ZFHX3: variants seen among roughly 807,000 people sequenced by gnomAD.
ZFHX3 encodes zinc finger homeobox 3, also known as zinc finger homeobox protein 3.
A neutral mutation model predicts 279.1 loss-of-function variants in ZFHX3; 42 were observed. That is an observed-to-expected ratio of 0.15 (90% CI 0.12 to 0.19). The LOEUF (loss-of-function observed/expected upper bound fraction) is 0.19. Ranked by LOEUF, ZFHX3 falls within the 10% of genes least tolerant of loss-of-function variation. ZFHX3 has a pLI of 1.00. For synonymous variants in ZFHX3, 2,293 were observed against 1,957.8 expected (o/e 1.17, Z -4.52); for missense variants, 4,981 against 4,754.0 (o/e 1.05, Z -1.40).
chr16:73,570,201 C>T (rs1466251450), intron 2 of ZFHX3, among the ~76,000 whole-genome samples: 2 of 151,984 alleles, frequency 1.3e-5, no homozygotes, highest in Non-Finnish European at 2.9e-5. Flanking sequence ...ACTGAGTTAC[C>T]CAAAAAAAGT....
chr16:73,337,316 T>C (rs1349850564), intron 3 of ZFHX3, among the ~76,000 whole-genome samples: 3 of 152,154 alleles, frequency 2.0e-5, no homozygotes, highest in East Asian at 3.9e-4. Context: ...CCTCTACACG[T>C]TCTGGCGACT....
chr16:73,440,014 C>T (rs2018062296), intron 3 of ZFHX3, among the ~76,000 whole-genome samples: 1 of 150,524 alleles, frequency 6.6e-6, no homozygotes, highest in Admixed American at 6.6e-5. Flanking sequence ...GAGGAACACG[C>T]ATGGCTGTTA....
chr16:73,301,947 C>A (rs1439861622), intron 4 of ZFHX3, among the ~76,000 whole-genome samples: 1 of 152,050 alleles, frequency 6.6e-6, no homozygotes, highest in Non-Finnish European at 1.5e-5. Context: ...AACCACAAGG[C>A]CCGACAGAGT....
At chr16:73,560,465 G>C (rs2020353031) in intron 2 of ZFHX3, among the ~76,000 whole-genome samples, 1 of 152,094 alleles carries the variant, frequency 6.6e-6, no homozygotes, top group South Asian at 2.1e-4. Flanking sequence ...TTTGATGATC[G>C]TTTTCTACAC....
At chr16:73,171,366 A>C (rs984973688) in intron 5 of ZFHX3, among the ~76,000 whole-genome samples, 1 of 152,108 alleles carries the variant, frequency 6.6e-6, no homozygotes. Flanking sequence ...AAATGCATCC[A>C]CTGGGCTGAA....
At chr16:72,899,456 T>C (rs1868843948) in intron 3 of ZFHX3, among the ~76,000 whole-genome samples, 1 of 152,226 alleles carries the variant, frequency 6.6e-6, no homozygotes, top group Admixed American at 6.5e-5. Flanking sequence ...TCCCCAGCCA[T>C]GCTGAATGGT....
chr16:72,848,870 C>T (rs551569417), intron 4 of ZFHX3, among the ~76,000 whole-genome samples: 2 of 152,118 alleles, frequency 1.3e-5, no homozygotes, highest in African/African-American at 4.8e-5. Flanking sequence ...CATGCTGCCA[C>T]GGCTGGAGCT....
intron 3 of ZFHX3, among the ~76,000 whole-genome samples, chr16:73,369,770 T>C (rs138310115): frequency 6.6e-6 from 1 of 152,308 alleles, no homozygotes; most frequent in Non-Finnish European, 1.5e-5. Context: ...ATTCTGATTG[T>C]GCTAACAAGC....
At chr16:72,886,231 G>A (rs1404134457) in intron 4 of ZFHX3, among the ~76,000 whole-genome samples, 2 of 152,126 alleles carry the variant, frequency 1.3e-5, no homozygotes, top group African/African-American at 4.8e-5. Context: ...CAGTTATATG[G>A]ACCGAACTGG....
At chr16:73,129,458 C>CCATGAGACCATT (rs1269583941) in intron 7 of ZFHX3, among the ~76,000 whole-genome samples, 1 of 151,068 alleles carries the variant, frequency 6.6e-6, no homozygotes, top group Non-Finnish European at 1.5e-5. Flanking sequence ...TTCTCTGAGC[C>CCATGAGACCATT]CATGAGACCA....
intron 1 of ZFHX3, among the ~76,000 whole-genome samples, chr16:73,859,885 G>C (rs1334756314): frequency 6.6e-6 from 1 of 152,138 alleles, no homozygotes. Flanking sequence ...GATAACATCC[G>C]ACGAAGTAAA....
chr16:73,512,177 C>A (rs560070902), intron 2 of ZFHX3, among the ~76,000 whole-genome samples: 13 of 150,780 alleles, frequency 8.6e-5, no homozygotes, highest in African/African-American at 2.9e-4. Context: ...TGCCTGTAAT[C>A]CCAGCACTTT....
At chr16:73,679,693 A>T (rs2052990483) in intron 2 of ZFHX3, 1 of 152,208 alleles carries the variant, frequency 6.6e-6, no homozygotes, top group African/African-American at 2.4e-5. Context: ...ATTCATTTGT[A>T]GAACAATCAG....
intron 1 of ZFHX3, among the ~76,000 whole-genome samples, chr16:72,987,321 A>T (rs62053224): frequency 0.036 from 5,487 of 152,270 alleles, 156 homozygotes; most frequent in Non-Finnish European, 0.052. Context: ...AACATTTGCA[A>T]TTGAAGGGAC....
intron 2 of ZFHX3, among the ~76,000 whole-genome samples, chr16:73,628,837 G>C (rs911818878): frequency 6.6e-6 from 1 of 152,164 alleles, no homozygotes; most frequent in Non-Finnish European, 1.5e-5. Context: ...AAGTTTAAAT[G>C]TAATAGAAGC....
chr16:73,242,643 TC>T (rs1184160697), intron 5 of ZFHX3, among the ~76,000 whole-genome samples: 1 of 152,212 alleles, frequency 6.6e-6, no homozygotes, highest in African/African-American at 2.4e-5. Flanking sequence ...TGCAAGATGC[TC>T]CCTTGGAAAA....
chr16:73,366,720 G>A (rs2016537687), intron 3 of ZFHX3, among the ~76,000 whole-genome samples: 1 of 151,720 alleles, frequency 6.6e-6, no homozygotes, highest in African/African-American at 2.4e-5. Context: ...GCACATGCAT[G>A]TGTGTGTGTG....
At chr16:73,343,227 G>A (rs1430208494) in intron 3 of ZFHX3, among the ~76,000 whole-genome samples, 1 of 152,100 alleles carries the variant, frequency 6.6e-6, no homozygotes, top group Admixed American at 6.6e-5. Context: ...ATATATGTGT[G>A]TGTGTATGTA....
chr16:73,022,904 G>T (rs899515496), intron 1 of ZFHX3, among the ~76,000 whole-genome samples: 19 of 152,068 alleles, frequency 1.2e-4, no homozygotes, highest in Non-Finnish European at 1.5e-4. Flanking sequence ...TTTTAATACT[G>T]ATTTTTCTGT....
Sources: gnomAD v4.1 joint callset for allele counts (sites outside exome capture counted in the v4.1 genomes callset) on GRCh38, gnomAD v4.1.1 for gene constraint, MANE v1.5 for transcripts, NCBI Gene and HGNC (gene_info 2026-07-23, HGNC 2026-07-21) for gene names.